ZNF782: variants seen among roughly 807,000 people sequenced by gnomAD.
ZNF782 encodes zinc finger protein 782.
In ZNF782, 12 loss-of-function variants were observed where a neutral mutation model predicts 13.0. The ratio of observed to expected loss-of-function variants is 0.92; its 90% CI spans 0.59 to 1.50. The LOEUF is 1.50. Among genes scored for constraint, ZNF782 ranks in the 40% most tolerant of loss-of-function variants. The probability of loss-of-function intolerance (pLI) is 0.00; values close to 1 mark genes in which losing one functional copy is unlikely to be tolerated. For synonymous variants in ZNF782, 284 were observed against 283.0 expected, an observed-to-expected ratio of 1.00 and a Z score of -0.04; for missense variants, 770 against 822.9, an observed-to-expected ratio of 0.94 and a Z score of 0.79.
chr9:96,835,295 TAGA>T (rs1850957339), intron 4 of ZNF782, among the ~76,000 whole-genome samples: 1 of 152,082 alleles, frequency 6.6e-6, no homozygotes, highest in African/African-American at 2.4e-5. Flanking sequence ...GGAAGCAAAG[TAGA>T]AGGATTTGGA....
chr9:96,823,959 G>A (rs1008965703), intron 5 of ZNF782, among the ~76,000 whole-genome samples: 11 of 152,108 alleles, frequency 7.2e-5, no homozygotes, highest in Non-Finnish European at 1.0e-4. Context: ...ATTCACAGCC[G>A]AATTCTACCA....
chr9:96,924,145 CCTT>C, the ZNF782 span, among the ~76,000 whole-genome samples: 11 of 146,550 alleles, frequency 7.5e-5, no homozygotes, highest in African/African-American at 2.8e-4. Flanking sequence ...CCAATTATGA[CCTT>C]CTTTAATCTG....
intron 4 of ZNF782, among the ~76,000 whole-genome samples, chr9:96,831,609 A>C (rs537621240): frequency 9.9e-5 from 15 of 151,750 alleles, no homozygotes; most frequent in Admixed American, 3.9e-4. Context: ...GCTACTCAGG[A>C]GGCTGAGGCA....
At chr9:96,886,893 G>A in the ZNF782 span, among the ~76,000 whole-genome samples, 1 of 146,540 alleles carries the variant, frequency 6.8e-6, no homozygotes, top group Non-Finnish European at 1.5e-5. Flanking sequence ...CTGCACTCCA[G>A]CCTGGGCAAC....
chr9:96,869,286 A>T (rs946747030), intron 1 of ZNF782, among the ~76,000 whole-genome samples: 1 of 152,216 alleles, frequency 6.6e-6, no homozygotes, highest in South Asian at 2.1e-4. Flanking sequence ...AGAATATTTT[A>T]ATCAAGTTTA....
intron 4 of ZNF782, among the ~76,000 whole-genome samples, 189 bp downstream of exon 4, chr9:96,844,701 T>C (rs984002905): frequency 2.6e-5 from 4 of 152,190 alleles, no homozygotes; most frequent in Admixed American, 2.0e-4. Flanking sequence ...TCAAAACTCA[T>C]TGATTTGTAC....
At chr9:96,864,115 C>T (rs1026324063) in intron 1 of ZNF782, among the ~76,000 whole-genome samples, 7 of 147,662 alleles carry the variant, frequency 4.7e-5, no homozygotes, top group Admixed American at 6.8e-5. Flanking sequence ...ATATATAAAA[C>T]GTATATATAT....
chr9:96,866,953 C>T (rs1330896681), intron 1 of ZNF782, among the ~76,000 whole-genome samples: 1 of 152,218 alleles, frequency 6.6e-6, no homozygotes, highest in Non-Finnish European at 1.5e-5. Context: ...GCCTGTACCC[C>T]CATTGTATCT....
chr9:96,823,807 T>C (rs1034072691), intron 5 of ZNF782, among the ~76,000 whole-genome samples: 4 of 152,208 alleles, frequency 2.6e-5, no homozygotes, highest in Non-Finnish European at 5.9e-5. Context: ...ATATGGCAAA[T>C]ATGTTTGTCT....
intron 1 of ZNF782, among the ~76,000 whole-genome samples, chr9:96,869,082 A>G (rs1190473156): frequency 2.0e-5 from 3 of 152,112 alleles, no homozygotes; most frequent in African/African-American, 7.2e-5. Context: ...TGAAGGTACT[A>G]AGTGGGCTTT....
chr9:96,853,336 G>A (rs1851558734), intron 1 of ZNF782, among the ~76,000 whole-genome samples: 1 of 152,136 alleles, frequency 6.6e-6, no homozygotes, highest in Non-Finnish European at 1.5e-5. Flanking sequence ...TACACATCTA[G>A]GATCTGCTCC....
At chr9:96,910,214 G>A in the ZNF782 span, 3 of 754,168 alleles carry the variant, frequency 4.0e-6, no homozygotes, top group South Asian at 1.3e-5. Flanking sequence ...TGGGGAGCAG[G>A]AGGCTGACAA....
At chr9:96,855,866 C>A (rs1036329237), upstream of ZNF782, among the ~76,000 whole-genome samples, 1 of 152,192 alleles carries the variant, frequency 6.6e-6, no homozygotes, top group Non-Finnish European at 1.5e-5. Context: ...AGTTTACATT[C>A]CCACCGGCAG....
chr9:96,888,114 T>C, the ZNF782 span: 5 of 151,242 alleles, frequency 3.3e-5, no homozygotes, highest in Admixed American at 2.0e-4. Context: ...CACATGTATA[T>C]GTATGTAACT....
chr9:96,842,121 C>G (rs1468599818), intron 4 of ZNF782, among the ~76,000 whole-genome samples: 2 of 151,876 alleles, frequency 1.3e-5, no homozygotes, highest in Non-Finnish European at 2.9e-5. Flanking sequence ...AAATGAAATA[C>G]TGAGGTATAA....
At chr9:96,835,908 C>A (rs1223168382) in intron 4 of ZNF782, among the ~76,000 whole-genome samples, 1 of 152,230 alleles carries the variant, frequency 6.6e-6, no homozygotes, top group Non-Finnish European at 1.5e-5. Flanking sequence ...CCTAGTGGAG[C>A]TTCAGGATTA....
At chr9:96,905,377 G>A in the ZNF782 span, among the ~76,000 whole-genome samples, 3 of 151,476 alleles carry the variant, frequency 2.0e-5, no homozygotes, top group East Asian at 5.9e-4. Context: ...CAAATGCCAT[G>A]GCAATGTCAG....
the ZNF782 span, among the ~76,000 whole-genome samples, chr9:96,884,211 C>G: frequency 6.6e-6 from 1 of 152,292 alleles, no homozygotes; most frequent in East Asian, 1.9e-4. Context: ...TGGAAGCAGA[C>G]AGTGCTCTGA....
the ZNF782 span, among the ~76,000 whole-genome samples, chr9:96,899,414 C>T: frequency 6.6e-6 from 1 of 152,044 alleles, no homozygotes; most frequent in Non-Finnish European, 1.5e-5. Context: ...ATATTTTAAT[C>T]TTTTTGTTGT....
Sources: allele counts gnomAD v4.1 joint callset (sites outside exome capture counted in the v4.1 genomes callset), GRCh38; gene constraint gnomAD v4.1.1; transcripts MANE v1.5; gene names NCBI Gene and HGNC (gene_info 2026-07-23, HGNC 2026-07-21).